The following SGCD variants were observed in gnomAD, a reference collection of about 807,000 sequenced individuals.
SGCD encodes the protein sarcoglycan delta.
SGCD carries 18 observed loss-of-function variants against 36.6 expected under a neutral mutation model. The ratio of observed to expected loss-of-function variants is 0.49; its 90% CI spans 0.34 to 0.73. The LOEUF is 0.73. SGCD is among the 30% of genes least tolerant of loss of function. The probability of loss-of-function intolerance (pLI) is 0.01; values close to 1 mark genes in which losing one functional copy is unlikely to be tolerated. For synonymous variants in SGCD, 133 were observed against 130.6 expected (o/e 1.02, Z -0.12); for missense variants, 387 against 346.7 (o/e 1.12, Z -0.92).
At chr5:156,072,188 T>G (rs890979694) in intron 1 of SGCD, among the ~76,000 whole-genome samples, 7 of 152,162 alleles carry the variant, frequency 4.6e-5, no homozygotes, top group Non-Finnish European at 7.3e-5. Context: ...ATTAGCTGGT[T>G]ATTTTGCTCC....
chr5:156,072,606 G>A (rs1760615706), intron 1 of SGCD, among the ~76,000 whole-genome samples: 1 of 152,042 alleles, frequency 6.6e-6, no homozygotes, highest in Non-Finnish European at 1.5e-5. Flanking sequence ...ACAATTATGT[G>A]TCTTGGAGTT....
intron 3 of SGCD, among the ~76,000 whole-genome samples, chr5:156,193,530 A>G (rs1039051887): frequency 6.6e-6 from 1 of 152,120 alleles, no homozygotes; most frequent in Non-Finnish European, 1.5e-5. Context: ...ATGTCCTAAC[A>G]TGTCTACCCT....
At chr5:156,759,028 C>G (rs1011811546) in intron 8 of SGCD, among the ~76,000 whole-genome samples, 189 bp from the exon 9 acceptor site, 2 of 152,210 alleles carry the variant, frequency 1.3e-5, no homozygotes, top group African/African-American at 4.8e-5. Context: ...TTGCTAGAAT[C>G]TAAGCTTCTG....
intron 1 of SGCD, among the ~76,000 whole-genome samples, chr5:155,875,182 A>G (rs1335581633): frequency 1.3e-5 from 2 of 152,172 alleles, no homozygotes; most frequent in African/African-American, 2.4e-5. Flanking sequence ...AAGCCCATTT[A>G]TATAGAATCT....
chr5:156,710,669 G>A (rs1037514703), intron 7 of SGCD, among the ~76,000 whole-genome samples: 1 of 152,208 alleles, frequency 6.6e-6, no homozygotes, highest in African/African-American at 2.4e-5. Flanking sequence ...GGTTAAAAGA[G>A]TTAAGTTATT....
At chr5:155,745,597 C>A in the SGCD span, among the ~76,000 whole-genome samples, 1 of 151,538 alleles carries the variant, frequency 6.6e-6, no homozygotes, top group Non-Finnish European at 1.5e-5. Flanking sequence ...AGAGAAGTTA[C>A]AAACTGAAAA....
At chr5:155,758,085 T>C in the SGCD span, among the ~76,000 whole-genome samples, 1 of 152,148 alleles carries the variant, frequency 6.6e-6, no homozygotes, top group Non-Finnish European at 1.5e-5. Flanking sequence ...GTCTCAGGAA[T>C]GTCTTTATCA....
intron 1 of SGCD, among the ~76,000 whole-genome samples, chr5:155,957,316 A>G (rs1360531322): frequency 6.6e-6 from 1 of 151,966 alleles, no homozygotes; most frequent in Non-Finnish European, 1.5e-5. Context: ...TTCTCTGGGA[A>G]TTACTCTCAC....
intron 3 of SGCD, among the ~76,000 whole-genome samples, chr5:156,227,936 G>A (rs1444640785): frequency 5.9e-5 from 9 of 152,026 alleles, no homozygotes. Context: ...TAATTTCAAT[G>A]TATTTGCATG....
intron 6 of SGCD, among the ~76,000 whole-genome samples, chr5:156,634,604 T>C (rs1403000475): frequency 1.3e-5 from 2 of 152,006 alleles, no homozygotes; most frequent in African/African-American, 4.8e-5. Context: ...AAGCCAGGAT[T>C]TGGGGCTCAG....
chr5:156,025,720 A>G (rs17536707), intron 1 of SGCD, among the ~76,000 whole-genome samples: 22,646 of 152,050 alleles, frequency 0.15, 1,956 homozygotes, highest in Non-Finnish European at 0.18. Context: ...CTTTATTATA[A>G]TGGAAATTGC....
chr5:156,263,431 A>AT (rs377384491), intron 3 of SGCD, among the ~76,000 whole-genome samples: 3 of 151,320 alleles, frequency 2.0e-5, no homozygotes, highest in East Asian at 1.9e-4. Flanking sequence ...TCCTTAGCCC[A>AT]TTTTTTTTAT....
intron 1 of SGCD, among the ~76,000 whole-genome samples, chr5:155,999,879 G>A (rs1010092690): frequency 1.3e-5 from 2 of 152,164 alleles, no homozygotes; most frequent in Admixed American, 1.3e-4. Flanking sequence ...AACTTTTGTG[G>A]TGCTTGAGGC....
At chr5:156,053,959 G>A (rs1481909711) in intron 1 of SGCD, among the ~76,000 whole-genome samples, 2 of 145,440 alleles carry the variant, frequency 1.4e-5, no homozygotes, top group East Asian at 1.9e-4. Flanking sequence ...TTCCATTGAC[G>A]AGGGTAGAGT....
At chr5:156,002,919 T>A (rs1402606481) in intron 1 of SGCD, among the ~76,000 whole-genome samples, 1 of 152,196 alleles carries the variant, frequency 6.6e-6, no homozygotes, top group Non-Finnish European at 1.5e-5. Context: ...AAATGAAATA[T>A]TCTCATATGC....
intron 7 of SGCD, among the ~76,000 whole-genome samples, chr5:156,727,507 A>G (rs1755838668): frequency 6.6e-6 from 1 of 152,242 alleles, no homozygotes. Context: ...AAACATATAG[A>G]ACTGAAGAAT....
chr5:155,947,061 G>A (rs1757451492), intron 1 of SGCD, among the ~76,000 whole-genome samples: 1 of 152,170 alleles, frequency 6.6e-6, no homozygotes, highest in Admixed American at 6.5e-5. Context: ...GCAAACTTCT[G>A]TCATTCACAG....
At chr5:156,533,543 A>G (rs1757974199) in intron 4 of SGCD, among the ~76,000 whole-genome samples, 1 of 152,210 alleles carries the variant, frequency 6.6e-6, no homozygotes. Flanking sequence ...AATGAAATAA[A>G]TGGAAGATTA....
intron 1 of SGCD, among the ~76,000 whole-genome samples, chr5:156,090,915 C>T (rs779445362): frequency 3.3e-5 from 5 of 152,142 alleles, no homozygotes; most frequent in Admixed American, 2.0e-4. Flanking sequence ...GTATTCTTCC[C>T]GACCCCGCAG....
Sources: gnomAD v4.1 joint callset for allele counts (sites outside exome capture counted in the v4.1 genomes callset) on GRCh38, gnomAD v4.1.1 for gene constraint, MANE v1.5 for transcripts, NCBI Gene and HGNC (gene_info 2026-07-23, HGNC 2026-07-21) for gene names.